CACNA1C: variants seen among roughly 807,000 people sequenced by gnomAD.
The protein encoded by CACNA1C is voltage-dependent L-type calcium channel subunit alpha-1C.
CACNA1C carries 30 observed loss-of-function variants against 229.0 expected under a neutral mutation model. The ratio of observed to expected loss-of-function variants is 0.13; its 90% CI spans 0.10 to 0.18. The LOEUF (loss-of-function observed/expected upper bound fraction) is 0.18. Among genes scored for constraint, CACNA1C ranks in the 10% least tolerant of loss-of-function variants. The probability of loss-of-function intolerance (pLI) is 1.00; values close to 1 mark genes in which losing one functional copy is unlikely to be tolerated. For missense variants in CACNA1C, 1,658 were observed against 2,845.0 expected, an observed-to-expected ratio of 0.58 and a Z score of 9.49; for synonymous variants, 1,114 against 1,132.5, an observed-to-expected ratio of 0.98 and a Z score of 0.33.
chr12:2,361,945 C>T (rs1023150529), intron 3 of CACNA1C, among the ~76,000 whole-genome samples: 10 of 152,150 alleles, frequency 6.6e-5, no homozygotes, highest in East Asian at 1.9e-4. Context: ...TGCCTGAGAC[C>T]GACTGTGATC....
At chr12:2,572,693 CCTT>C (rs1233619803) in intron 13 of CACNA1C, among the ~76,000 whole-genome samples, 35 of 54,016 alleles carry the variant, frequency 6.5e-4, no homozygotes, top group African/African-American at 2.1e-3. Flanking sequence ...TTCTCTTCCT[CCTT>C]CTCCTCTTCC....
rs772939536 is a variant in CACNA1C at position 2,639,194 on chromosome 12, C to T, written c.3912+4814C>T. Among the ~76,000 whole-genome samples the T allele has an allele frequency of 2.0e-5, 3 of 152,196 alleles. No individual in the cohort carries two copies. The highest frequency in any genetic ancestry group is 4.8e-5 in the African/African-American group (2 of 41,444). ...CCAATGCATCACCTGGGTCTAAATC[C>T]GAGCTTTTCTTCCTCTGTGAGCCGG... On this transcript the variant is annotated intron_variant, in intron 30 of 46. Coordinates refer to ENST00000399655, the MANE Select transcript of CACNA1C (RefSeq NM_000719.7). The surrounding 1 kb of genome is among the most constrained non-coding windows in gnomAD (Gnocchi z 4.2).
chr12:2,560,599 A>G (rs1456343463), intron 11 of CACNA1C, among the ~76,000 whole-genome samples: 5 of 152,192 alleles, frequency 3.3e-5, no homozygotes, highest in Admixed American at 6.5e-5. Context: ...TGATTACACA[A>G]GTTGGAGTTT....
intron 13 of CACNA1C, among the ~76,000 whole-genome samples, chr12:2,572,564 TCC>T (rs1161620827): frequency 4.9e-4 from 31 of 63,366 alleles, no homozygotes; most frequent in Non-Finnish European, 7.3e-4. Context: ...CCTTCTCCTC[TCC>T]TCCTCCTTCT....
At chr12:2,204,964 AC>A (rs772143747) in intron 3 of CACNA1C, among the ~76,000 whole-genome samples, 9 of 151,922 alleles carry the variant, frequency 5.9e-5, no homozygotes, top group Non-Finnish European at 1.3e-4. Flanking sequence ...ATTAAAAAAA[AC>A]AAAAACAAAA....
intron 3 of CACNA1C, among the ~76,000 whole-genome samples, chr12:2,159,330 A>G (rs552561099): frequency 3.8e-4 from 58 of 152,032 alleles, no homozygotes; most frequent in Admixed American, 2.0e-4. Flanking sequence ...CCCCGTCTCT[A>G]CAGAAAATAC....
chr12:2,265,538 C>T (rs1384537939), intron 3 of CACNA1C, among the ~76,000 whole-genome samples: 1 of 152,210 alleles, frequency 6.6e-6, no homozygotes, highest in African/African-American at 2.4e-5. Context: ...ACCCCTGTCC[C>T]TTCATTACAG....
Position 2,410,557 on chromosome 12 carries a change from G to C in CACNA1C, c.478-38419G>C, listed in dbSNP as rs1430678271. On this transcript the variant is annotated intron_variant, in intron 3 of 46. Coordinates refer to ENST00000399655, the MANE Select transcript of CACNA1C (RefSeq NM_000719.7). The surrounding 1 kb of genome is among the most constrained non-coding windows in gnomAD (Gnocchi z 5.3). The stretch of plus-strand genomic sequence containing the variant: ...AATATGCTTGGAGTAAAAAGCATCT[G>C]GACCCTGTGCATGTGCGTGTGCATG... Among the ~76,000 whole-genome samples, 1 of 152,216 alleles carries C rather than the reference G, an allele frequency of 6.6e-6. No individual in the cohort carries two copies. Among genetic ancestry groups the C allele is most frequent in the African/African-American group, 2.4e-5 (1 of 41,450 alleles).
At chr12:2,184,813 G>A (rs895309009) in intron 3 of CACNA1C, among the ~76,000 whole-genome samples, 1 of 152,132 alleles carries the variant, frequency 6.6e-6, no homozygotes. Context: ...CTGCTCAGAG[G>A]TGCAGTCTCT....
intron 1 of CACNA1C, among the ~76,000 whole-genome samples, chr12:1,977,384 G>A (rs960027216): frequency 3.9e-5 from 6 of 152,140 alleles, no homozygotes; most frequent in Non-Finnish European, 5.9e-5. Context: ...TGGAAAGCTC[G>A]ACAACTTTGT....
chr12:2,482,610 G>A (rs1597652026), intron 5 of CACNA1C, among the ~76,000 whole-genome samples: 2 of 152,324 alleles, frequency 1.3e-5, no homozygotes, highest in East Asian at 3.9e-4. Flanking sequence ...AAGTTGGAGG[G>A]CCTTTGGTGT....
chr12:2,246,376 T>C (rs2154379953), intron 3 of CACNA1C, among the ~76,000 whole-genome samples: 1 of 152,270 alleles, frequency 6.6e-6, no homozygotes, highest in East Asian at 1.9e-4. Flanking sequence ...TAGGAGGCTG[T>C]AGTAAGGCCT....
chr12:2,571,606 A>G (rs1212707697), intron 13 of CACNA1C, among the ~76,000 whole-genome samples: 3 of 152,236 alleles, frequency 2.0e-5, no homozygotes, highest in African/African-American at 7.2e-5. Context: ...TTAAAAATCT[A>G]TCTTAATCAG....
Position 2,688,653 on chromosome 12 carries a change from G to C in CACNA1C, c.5991G>C (p.Glu1997Asp). Residue 1997 changes from glutamate (E) to aspartate (D), a missense_variant, in exon 46 of 47, where the codon GAG becomes GAC. Transcript: ENST00000399655. ...FPSIHCGSWA[E>D]TTPGGGGSSA... The stretch of plus-strand genomic sequence containing the variant: ...CCATCCACTGCGGCTCCTGGGCTGA[G>C]ACCACCCCCGGTGGCGGGGGCAGCA... 6.2e-7 allele frequency: 1 copy of C among 1,613,790 alleles called. No individual in the cohort carries two copies. Among genetic ancestry groups the C allele is most frequent in the Non-Finnish European group, 8.5e-7 (1 of 1,179,840 alleles).
chr12:2,296,410 CT>C (rs1566928638), intron 3 of CACNA1C, among the ~76,000 whole-genome samples: 1 of 152,252 alleles, frequency 6.6e-6, no homozygotes, highest in Non-Finnish European at 1.5e-5. Flanking sequence ...CACTGCCATC[CT>C]CTGGGCTCTG....
chr12:2,313,202 G>A (rs2095523970), intron 3 of CACNA1C, among the ~76,000 whole-genome samples: 1 of 152,208 alleles, frequency 6.6e-6, no homozygotes, highest in African/African-American at 2.4e-5. Context: ...GATGGAGAGT[G>A]TGCGAGGACT....
rs1399953818 is a variant in CACNA1C at position 2,630,427 on chromosome 12, G to A, written c.3829-3870G>A. On this transcript the variant is annotated intron_variant, in intron 29 of 46. Coordinates refer to ENST00000399655, the MANE Select transcript of CACNA1C (RefSeq NM_000719.7). This position sits in a 1 kb window ranked among gnomAD's most constrained non-coding sequence, Gnocchi z 5.4. The stretch of plus-strand genomic sequence containing the variant: ...ATTCCTCCTAGGACCCAACCACCTG[G>A]GGACTTGGGGACCAGCAGGAAGGAC... Among the ~76,000 whole-genome samples the A allele has an allele frequency of 1.3e-5, 2 of 152,142 alleles. No individual in the cohort carries two copies. The highest frequency in any genetic ancestry group is 4.8e-5 in the African/African-American group (2 of 41,444).
At chr12:2,683,903 C>G (rs375465593) in intron 43 of CACNA1C, among the ~76,000 whole-genome samples, 186 of 152,354 alleles carry the variant, frequency 1.2e-3, no homozygotes, top group Middle Eastern at 6.8e-3. Flanking sequence ...CCGATGCAGA[C>G]AGGGAGGAGC....
chr12:2,689,187 T>C lies in CACNA1C; in HGVS notation c.6117+408T>C, dbSNP rs2097684872. On this transcript the variant is annotated intron_variant, in intron 46 of 46. Coordinates refer to ENST00000399655, the MANE Select transcript of CACNA1C (RefSeq NM_000719.7). The surrounding 1 kb of genome is among the most constrained non-coding windows in gnomAD (Gnocchi z 4.2). ...ACTGATGATTGTTAAAGCTCTTCGA[T>C]GATTTTAACGTGTAGCAAGGTTGAG... 6.6e-6 allele frequency among the ~76,000 whole-genome samples: 1 copy of C among 152,176 alleles called. No homozygotes were observed. Among genetic ancestry groups the C allele is most frequent in the South Asian group, 2.1e-4 (1 of 4,832 alleles).
Sources: allele counts gnomAD v4.1 joint callset (sites outside exome capture counted in the v4.1 genomes callset), GRCh38; gene constraint gnomAD v4.1.1; non-coding constraint Gnocchi (gnomAD v3.1); transcripts MANE v1.5; gene names NCBI Gene and HGNC (gene_info 2026-07-23, HGNC 2026-07-21).